Variants in PRICKLE2 observed in about 807,000 individuals in gnomAD.
PRICKLE2 encodes prickle planar cell polarity protein 2, also known as prickle-like protein 2.
In PRICKLE2, 21 loss-of-function variants were observed where a neutral mutation model predicts 81.4. The ratio of observed to expected loss-of-function variants is 0.26; its 90% CI spans 0.18 to 0.37. The LOEUF (loss-of-function observed/expected upper bound fraction) is 0.37. Ranked by LOEUF, PRICKLE2 falls within the 10% of genes least tolerant of loss-of-function variation. PRICKLE2 has a pLI of 1.00. For synonymous variants in PRICKLE2, 456 were observed against 421.5 expected (o/e 1.08, Z -1.00); for missense variants, 940 against 1,109.0 (o/e 0.85, Z 2.16).
At chr3:64,165,354 C>T (rs1337915191) in intron 2 of PRICKLE2, among the ~76,000 whole-genome samples, 1 of 152,198 alleles carries the variant, frequency 6.6e-6, no homozygotes, top group Non-Finnish European at 1.5e-5. Context: ...TGTTTCCCAT[C>T]TCTGGGTTCC....
At chr3:64,245,899 T>C (rs935121808) in intron 2 of PRICKLE2, among the ~76,000 whole-genome samples, 1 of 152,182 alleles carries the variant, frequency 6.6e-6, no homozygotes, top group African/African-American at 2.4e-5. Flanking sequence ...TTCTCTCTCA[T>C]TAAATGATAA....
chr3:64,149,311 C>T (rs1271661007), intron 6 of PRICKLE2, among the ~76,000 whole-genome samples: 1 of 152,236 alleles, frequency 6.6e-6, no homozygotes, highest in Non-Finnish European at 1.5e-5. Context: ...ATCTGCTCTC[C>T]TGGCACCCAG....
intron 4 of PRICKLE2, among the ~76,000 whole-genome samples, chr3:64,157,858 C>T (rs572402465): frequency 6.6e-6 from 1 of 152,314 alleles, no homozygotes; most frequent in African/African-American, 2.4e-5. Context: ...TCACCTTTAA[C>T]TACCTTCTCT....
At chr3:64,187,517 A>T (rs1482151036) in intron 2 of PRICKLE2, 2 of 152,222 alleles carry the variant, frequency 1.3e-5, no homozygotes, top group Non-Finnish European at 2.9e-5. Context: ...TTGGAGAGAC[A>T]TGCATCTCCC....
chr3:64,242,497 C>T (rs982134699), intron 2 of PRICKLE2, among the ~76,000 whole-genome samples: 12 of 152,124 alleles, frequency 7.9e-5, no homozygotes, highest in African/African-American at 2.2e-4. Context: ...TGGTATGCTC[C>T]GCAAATAATC....
chr3:64,119,027 A>G (rs2076984643), intron 7 of PRICKLE2, among the ~76,000 whole-genome samples: 1 of 152,242 alleles, frequency 6.6e-6, no homozygotes, highest in Non-Finnish European at 1.5e-5. Flanking sequence ...ACACCATAGA[A>G]TACTATGCAG....
At chr3:64,170,914 A>AAACCCCC in intron 2 of PRICKLE2, among the ~76,000 whole-genome samples, 1 of 152,002 alleles carries the variant, frequency 6.6e-6, no homozygotes, top group African/African-American at 2.4e-5. Flanking sequence ...AAAAAACTCA[A>AAACCCCC]AACCCCCAAA....
intron 7 of PRICKLE2, chr3:64,103,042 G>T (rs974810898): frequency 6.6e-6 from 1 of 152,214 alleles, no homozygotes; most frequent in Non-Finnish European, 1.5e-5. Context: ...TCTACGTAAA[G>T]AGTACATTAC....
At chr3:64,101,239 A>G (rs1223705113) in intron 7 of PRICKLE2, 2 of 152,244 alleles carry the variant, frequency 1.3e-5, no homozygotes, top group African/African-American at 2.4e-5. Context: ...AAGGTCCAAG[A>G]AATGGACAAG....
intron 2 of PRICKLE2, among the ~76,000 whole-genome samples, chr3:64,248,826 T>A (rs983248543): frequency 1.3e-5 from 2 of 152,160 alleles, no homozygotes; most frequent in Non-Finnish European, 2.9e-5. Flanking sequence ...CAGACCATGA[T>A]AACATACTAC....
At chr3:64,195,351 C>A (rs1428862555) in intron 2 of PRICKLE2, among the ~76,000 whole-genome samples, 2 of 152,150 alleles carry the variant, frequency 1.3e-5, no homozygotes, top group Admixed American at 6.5e-5. Context: ...AGGGAGGGGA[C>A]TTTCGTTTAC....
At chr3:64,191,041 A>G (rs950061845) in intron 2 of PRICKLE2, among the ~76,000 whole-genome samples, 3 of 152,170 alleles carry the variant, frequency 2.0e-5, no homozygotes, top group Admixed American at 6.5e-5. Flanking sequence ...GGCTCCACAG[A>G]GCCAGAGAAC....
At chr3:64,230,147 T>A (rs1210308336), upstream of PRICKLE2, among the ~76,000 whole-genome samples, 2 of 152,164 alleles carry the variant, frequency 1.3e-5, no homozygotes, top group Non-Finnish European at 1.5e-5. Context: ...GTGGTCAAAC[T>A]AGTCTCATGA....
intron 1 of PRICKLE2, among the ~76,000 whole-genome samples, chr3:64,222,339 C>T (rs2078968680): frequency 6.6e-6 from 1 of 152,174 alleles, no homozygotes; most frequent in Non-Finnish European, 1.5e-5. Context: ...ACGACCAACT[C>T]CCAGTTCCGA....
intron 2 of PRICKLE2, among the ~76,000 whole-genome samples, chr3:64,166,130 G>A (rs2077828924): frequency 6.6e-6 from 1 of 152,128 alleles, no homozygotes. Context: ...TCTGAGCCCA[G>A]TGTCCTCTTA....
chr3:64,161,470 C>A (rs1349459728), intron 3 of PRICKLE2, among the ~76,000 whole-genome samples: 2 of 152,070 alleles, frequency 1.3e-5, no homozygotes, highest in Admixed American at 1.3e-4. Flanking sequence ...TCAAAATTGT[C>A]TTATCTATGC....
intron 2 of PRICKLE2, among the ~76,000 whole-genome samples, chr3:64,188,377 C>T (rs1457734038): frequency 6.6e-6 from 1 of 152,154 alleles, no homozygotes; most frequent in African/African-American, 2.4e-5. Context: ...TTCCATTAGC[C>T]AACAGTAATG....
intron 2 of PRICKLE2, among the ~76,000 whole-genome samples, chr3:64,251,279 C>T (rs535813881): frequency 5.3e-5 from 8 of 152,290 alleles, no homozygotes; most frequent in African/African-American, 9.6e-5. Context: ...CCCTGCTCCA[C>T]GCAAACACAA....
chr3:64,126,881 G>A (rs2077116253), intron 7 of PRICKLE2, among the ~76,000 whole-genome samples: 1 of 152,028 alleles, frequency 6.6e-6, no homozygotes, highest in Non-Finnish European at 1.5e-5. Context: ...CGGCCTTGTG[G>A]GCAGGTTTCT....
Sources: gnomAD v4.1 joint callset for allele counts (sites outside exome capture counted in the v4.1 genomes callset) on GRCh38, gnomAD v4.1.1 for gene constraint, MANE v1.5 for transcripts, NCBI Gene and HGNC (gene_info 2026-07-23, HGNC 2026-07-21) for gene names.